The following MAPK10 variants were observed in gnomAD, a reference collection of about 807,000 sequenced individuals.
The protein encoded by MAPK10 is JNK3 alpha protein kinase.
A neutral mutation model predicts 59.3 loss-of-function variants in MAPK10; 25 were observed. The ratio of observed to expected loss-of-function variants is 0.42; its 90% CI spans 0.31 to 0.59. MAPK10 has a LOEUF of 0.59. Among genes scored for constraint, MAPK10 ranks in the 20% least tolerant of loss-of-function variants. The pLI is 0.15. For synonymous variants in MAPK10, 190 were observed against 200.5 expected, an observed-to-expected ratio of 0.95 and a Z score of 0.44; for missense variants, 351 against 568.9, an observed-to-expected ratio of 0.62 and a Z score of 3.90.
intron 2 of MAPK10, among the ~76,000 whole-genome samples, chr4:86,333,214 G>C (rs895453180): frequency 3.9e-4 from 60 of 152,252 alleles, no homozygotes; most frequent in African/African-American, 1.2e-3. Context: ...ACGATTTCTA[G>C]AATAAGAGAA....
chr4:86,387,753 T>C (rs1741680386), intron 1 of MAPK10, among the ~76,000 whole-genome samples: 1 of 152,140 alleles, frequency 6.6e-6, no homozygotes, highest in Non-Finnish European at 1.5e-5. Context: ...TAAACTGAAC[T>C]GACGTTTTTT....
intron 2 of MAPK10, among the ~76,000 whole-genome samples, chr4:86,231,093 G>A (rs2091464864): frequency 6.6e-6 from 1 of 152,164 alleles, no homozygotes; most frequent in Non-Finnish European, 1.5e-5. Flanking sequence ...AAAATGCAAG[G>A]AGGGGATTTT....
intron 4 of MAPK10, among the ~76,000 whole-genome samples, chr4:86,113,741 G>T (rs1180322236): frequency 3.3e-5 from 5 of 152,126 alleles, no homozygotes; most frequent in Non-Finnish European, 7.4e-5. Context: ...TGGATTTCCT[G>T]AATTTGAATG....
intron 9 of MAPK10, among the ~76,000 whole-genome samples, chr4:86,093,831 C>T (rs1182759009): frequency 2.0e-5 from 3 of 151,836 alleles, no homozygotes; most frequent in African/African-American, 4.8e-5. Context: ...TTAGCAGGCA[C>T]ACTAGTGGTA....
intron 4 of MAPK10, among the ~76,000 whole-genome samples, chr4:86,156,491 T>C (rs1034016202): frequency 6.6e-6 from 1 of 151,996 alleles, no homozygotes; most frequent in African/African-American, 2.4e-5. Context: ...AGAAATAATA[T>C]GGCTTCACTT....
intron 4 of MAPK10, among the ~76,000 whole-genome samples, chr4:86,116,130 T>A (rs948668880): frequency 6.6e-6 from 1 of 152,208 alleles, no homozygotes; most frequent in Non-Finnish European, 1.5e-5. Context: ...TATTAAAATA[T>A]CAAAAGAAAG....
chr4:86,125,581 GAA>G, intron 4 of MAPK10: 1 of 152,106 alleles, frequency 6.6e-6, no homozygotes, highest in South Asian at 2.1e-4. Context: ...ACTCCCCCAA[GAA>G]AAAGAGTTAG....
chr4:86,092,637 A>G (rs1031803194), intron 9 of MAPK10, among the ~76,000 whole-genome samples: 1 of 145,240 alleles, frequency 6.9e-6, no homozygotes, highest in African/African-American at 2.6e-5. Context: ...ATATATATAT[A>G]TTGCTAATGA....
In MAPK10 at chr4:86,013,108, C is replaced by T. The variant is rs1405908912; in HGVS notation, c.*4120G>A. ...AGATTCTATATATAAACAGAGGCCC[C>T]TCACTTCAGTTTGGCTGACCAAAGA... On this transcript the variant is annotated 3_prime_UTR_variant, in exon 14 of 14. Transcript: ENST00000641462. The T allele has an allele frequency of 6.6e-6, 1 of 152,174 alleles. No homozygotes were observed. The highest frequency in any genetic ancestry group is 1.5e-5 in the Non-Finnish European group (1 of 68,030). 9.4% of individuals were successfully genotyped at this position (152,174 alleles called of 1,614,324 possible). A position where few individuals can be genotyped will look rare whatever the true frequency, so the allele number is the denominator to read the frequency against.
intron 11 of MAPK10, among the ~76,000 whole-genome samples, chr4:86,055,949 T>C (rs1478225310): frequency 6.7e-6 from 1 of 150,044 alleles, no homozygotes; most frequent in Non-Finnish European, 1.5e-5. Context: ...CTATTAACTA[T>C]TTTAAGTACA....
At position 86,354,568 on chromosome 4, in the gene MAPK10, T is replaced by C; in HGVS notation, c.-45A>G. 8.1e-7 allele frequency: 1 copy of C among 1,231,476 alleles called. No homozygotes were observed. Among genetic ancestry groups the C allele is most frequent in the Admixed American group, 4.2e-5 (1 of 23,696 alleles). The allele number at this position is 1,231,476 out of a possible 1,614,324, so 76.3% of individuals were successfully genotyped here. On this transcript the variant is annotated 5_prime_UTR_variant, in exon 2 of 14. It removes the in-frame stop codon of an upstream open reading frame in the 5' UTR. Coordinates refer to ENST00000641462, the MANE Select transcript of MAPK10 (RefSeq NM_138982.4). The stretch of plus-strand genomic sequence containing the variant: ...GTTTCTCATCTATAGGAAACGGGTC[T>C]AATTCAACAGTTTCTTGCATAAGTT...
chr4:86,350,219 T>TC (rs1730509854), intron 2 of MAPK10, among the ~76,000 whole-genome samples: 1 of 139,784 alleles, frequency 7.2e-6, no homozygotes, highest in East Asian at 2.0e-4. Flanking sequence ...GTCCAGATAA[T>TC]TTTTTTTTTT....
chr4:86,540,640 T>G (rs1461712687), intron 1 of MAPK10, among the ~76,000 whole-genome samples: 1 of 151,358 alleles, frequency 6.6e-6, no homozygotes, highest in Non-Finnish European at 1.5e-5. Context: ...ATAAAAATAA[T>G]GCAGTACTTA....
intron 1 of MAPK10, among the ~76,000 whole-genome samples, chr4:86,383,141 C>G (rs1158762558): frequency 2.0e-5 from 3 of 152,126 alleles, no homozygotes; most frequent in African/African-American, 7.2e-5. Context: ...AAACATTAGG[C>G]TTCCTTCCCA....
intron 11 of MAPK10, among the ~76,000 whole-genome samples, chr4:86,038,972 C>A (rs183308852): frequency 2.8e-4 from 43 of 152,232 alleles, no homozygotes; most frequent in African/African-American, 9.6e-4. Context: ...AGATATATGG[C>A]ATTTTGTGAT....
At chr4:86,316,454 C>A (rs934577651) in intron 2 of MAPK10, among the ~76,000 whole-genome samples, 2 of 152,000 alleles carry the variant, frequency 1.3e-5, no homozygotes, top group African/African-American at 4.8e-5. Flanking sequence ...TTATCCTTTC[C>A]AGGGATATCT....
intron 2 of MAPK10, among the ~76,000 whole-genome samples, chr4:86,235,834 T>C (rs1272854607): frequency 6.6e-6 from 1 of 152,230 alleles, no homozygotes; most frequent in Non-Finnish European, 1.5e-5. Flanking sequence ...TCATGTCTTG[T>C]ATTAGTTGTG....
chr4:86,122,914 GTGTT>G (rs553446619), intron 4 of MAPK10, among the ~76,000 whole-genome samples: 1,531 of 151,988 alleles, frequency 0.01, 27 homozygotes, highest in African/African-American at 0.035. Flanking sequence ...TATAAATTTG[GTGTT>G]TGTTCTTGCT....
intron 2 of MAPK10, among the ~76,000 whole-genome samples, chr4:86,303,350 T>C (rs924863688): frequency 6.6e-6 from 1 of 152,228 alleles, no homozygotes; most frequent in African/African-American, 2.4e-5. Context: ...TGACTTCGAC[T>C]TTCATTCATC....
Sources: allele counts gnomAD v4.1 joint callset (sites outside exome capture counted in the v4.1 genomes callset), GRCh38; gene constraint gnomAD v4.1.1; transcripts MANE v1.5; gene names NCBI Gene and HGNC (gene_info 2026-07-23, HGNC 2026-07-21).